The following CALCR variants were observed in gnomAD, a reference collection of about 807,000 sequenced individuals.
CALCR encodes calcitonin receptor.
CALCR carries 47 observed loss-of-function variants against 59.5 expected under a neutral mutation model. That is an observed-to-expected ratio of 0.79 (90% confidence interval 0.63 to 1.01). The LOEUF (loss-of-function observed/expected upper bound fraction) is 1.01. Ranked by LOEUF, CALCR falls within the 50% of genes least tolerant of loss-of-function variation. The probability of loss-of-function intolerance (pLI) is 0.00; values close to 1 mark genes in which losing one functional copy is unlikely to be tolerated. For missense variants in CALCR, 566 were observed against 597.1 expected, an observed-to-expected ratio of 0.95 and a Z score of 0.54; for synonymous variants, 213 against 211.3, an observed-to-expected ratio of 1.01 and a Z score of -0.07.
intron 3 of CALCR, 55 bp from the exon 4 acceptor site, chr7:93,479,562 A>G: frequency 1.4e-6 from 2 of 1,477,842 alleles, no homozygotes; most frequent in South Asian, 1.3e-5. Flanking sequence ...GGTGAGCACA[A>G]ATAAATGAGA....
chr7:93,535,125 T>A (rs977643164), intron 2 of CALCR, among the ~76,000 whole-genome samples: 3 of 151,746 alleles, frequency 2.0e-5, no homozygotes, highest in Non-Finnish European at 4.4e-5. Context: ...AATCTTTCCA[T>A]AATTCTTCAC....
intron 13 of CALCR, among the ~76,000 whole-genome samples, chr7:93,432,545 G>A (rs1469427682): frequency 6.6e-6 from 1 of 152,096 alleles, no homozygotes; most frequent in Non-Finnish European, 1.5e-5. Context: ...AATGGAAATG[G>A]TTTCTTTACT....
chr7:93,436,425 C>T (rs1251916145), intron 11 of CALCR, among the ~76,000 whole-genome samples: 3 of 152,174 alleles, frequency 2.0e-5, no homozygotes, highest in African/African-American at 7.2e-5. Flanking sequence ...GGTATGAACA[C>T]TCTTTTTAAT....
chr7:93,551,397 T>A (rs1048053995), intron 2 of CALCR, among the ~76,000 whole-genome samples: 5 of 152,226 alleles, frequency 3.3e-5, no homozygotes, highest in Admixed American at 1.3e-4. Flanking sequence ...TGACAAGCGA[T>A]GTCCCTATTT....
At chr7:93,510,501 G>A (rs6465386) in intron 2 of CALCR, among the ~76,000 whole-genome samples, 61,075 of 151,918 alleles carry the variant, frequency 0.4, 13,202 homozygotes, top group African/African-American at 0.56. Flanking sequence ...TAAAACTACA[G>A]ATAGCACTGC....
At chr7:93,438,694 T>C (rs1799836859) in intron 9 of CALCR, among the ~76,000 whole-genome samples, 1 of 152,188 alleles carries the variant, frequency 6.6e-6, no homozygotes, top group African/African-American at 2.4e-5. Context: ...AATAGTCTGA[T>C]TGCTCCTAAA....
rs187570185 is a variant in CALCR at position 93,477,689 on chromosome 7, T to G, written c.206-21A>C. On this transcript the variant is annotated intron_variant, in intron 4 of 13. Coordinates refer to ENST00000426151, the MANE Select transcript of CALCR (RefSeq NM_001742.4). ...TGGACCTGGCCATTTAGAAGGAAAT[T>G]GATATTGAAGCCTTGTGGATTTAAC... 5 of 1,452,734 alleles carry G rather than the reference T, an allele frequency of 3.4e-6. No individual in the cohort carries two copies. The African/African-American group carries it at 7.0e-5, about 20-fold the overall frequency. The allele number at this position is 1,452,734 out of a possible 1,614,324, so 90.0% of individuals were successfully genotyped here.
At position 93,460,884 on chromosome 7, in the gene CALCR, A is replaced by G; in HGVS notation, c.585T>C (p.Ser195=). 6.2e-7 allele frequency: 1 copy of G among 1,610,962 alleles called. No individual in the cohort carries two copies. The highest frequency in any genetic ancestry group is 8.5e-7 in the Non-Finnish European group (1 of 1,177,784). The change falls in exon 8 of 14, where the codon TCT becomes TCC. Residue 195 remains serine (S), a synonymous_variant. Transcript: ENST00000426151. ...CAACCAGGTGGATGATGATAATCAT[A>G]GAATTCAGAATGTAAGTAAGAAACA... ...KNMFLTYILN[S]MIIIIHLVEV... is the part of the protein sequence containing the mutation.
chr7:93,440,409 C>T (rs1277296482), intron 9 of CALCR, among the ~76,000 whole-genome samples: 3 of 151,966 alleles, frequency 2.0e-5, no homozygotes, highest in African/African-American at 7.2e-5. Context: ...TCCTCCCATC[C>T]AAAGATAATG....
intron 2 of CALCR, among the ~76,000 whole-genome samples, chr7:93,493,803 T>C (rs1485994431): frequency 1.3e-5 from 2 of 151,368 alleles, no homozygotes; most frequent in African/African-American, 4.8e-5. Context: ...GAGAGGAAAG[T>C]AGGTGGAGGA....
At chr7:93,485,525 A>T (rs1274498424) in intron 3 of CALCR, among the ~76,000 whole-genome samples, 1 of 151,650 alleles carries the variant, frequency 6.6e-6, no homozygotes, top group Non-Finnish European at 1.5e-5. Flanking sequence ...ATTATTTATG[A>T]AGCATGATTA....
chr7:93,489,740 C>G (rs1423951429), intron 2 of CALCR, among the ~76,000 whole-genome samples: 1 of 151,900 alleles, frequency 6.6e-6, no homozygotes, highest in East Asian at 1.9e-4. Flanking sequence ...AGACCAATAG[C>G]AAGTTCTGAA....
chr7:93,429,276 T>C (rs922862718), intron 13 of CALCR, among the ~76,000 whole-genome samples: 1 of 152,152 alleles, frequency 6.6e-6, no homozygotes, highest in Admixed American at 6.5e-5. Flanking sequence ...CTGATGCTGC[T>C]CTGATGACAA....
chr7:93,494,532 A>G (rs916242009), intron 2 of CALCR, among the ~76,000 whole-genome samples: 1 of 151,470 alleles, frequency 6.6e-6, no homozygotes, highest in African/African-American at 2.4e-5. Context: ...TTAATTGAAG[A>G]GGTCTTAATT....
intron 2 of CALCR, among the ~76,000 whole-genome samples, chr7:93,535,111 T>A (rs967557095): frequency 2.0e-5 from 3 of 151,712 alleles, no homozygotes; most frequent in African/African-American, 7.2e-5. Flanking sequence ...TCATGGCTAT[T>A]AATAATCTTT....
intron 13 of CALCR, among the ~76,000 whole-genome samples, chr7:93,431,073 ATAGG>A (rs1016367056): frequency 2.0e-5 from 3 of 152,190 alleles, no homozygotes; most frequent in Non-Finnish European, 4.4e-5. Context: ...AGAATATGAT[ATAGG>A]TAGAGACCCT....
chr7:93,515,462 G>A (rs912314904), intron 2 of CALCR, among the ~76,000 whole-genome samples: 1 of 151,892 alleles, frequency 6.6e-6, no homozygotes, highest in Admixed American at 6.6e-5. Context: ...ATGATTAATG[G>A]CACAAATAAA....
chr7:93,477,792 A>C (rs1357998791), intron 4 of CALCR, 124 bp from the exon 5 acceptor site: 5 of 608,800 alleles, frequency 8.2e-6, no homozygotes, highest in Non-Finnish European at 1.5e-5. Context: ...CCACATTTCA[A>C]ACAAGCCAAG....
chr7:93,431,905 T>C (rs1799665864), intron 13 of CALCR, among the ~76,000 whole-genome samples: 1 of 152,210 alleles, frequency 6.6e-6, no homozygotes, highest in Admixed American at 6.5e-5. Flanking sequence ...TGTGCATTTT[T>C]ATAGCTGCAA....
Sources: allele counts gnomAD v4.1 joint callset (sites outside exome capture counted in the v4.1 genomes callset), GRCh38; gene constraint gnomAD v4.1.1; transcripts MANE v1.5; gene names NCBI Gene and HGNC (gene_info 2026-07-23, HGNC 2026-07-21).